CLRN1: variants seen among roughly 807,000 people sequenced by gnomAD.
CLRN1 encodes clarin 1, also known as clarin-1.
A neutral mutation model predicts 18.7 loss-of-function variants in CLRN1; 15 were observed. The ratio of observed to expected loss-of-function variants is 0.80; its 90% confidence interval spans 0.54 to 1.23. The LOEUF is 1.23. Ranked by LOEUF, CLRN1 falls within the 50% of genes most tolerant of loss-of-function variation. The pLI is 0.00. For synonymous variants in CLRN1, 104 were observed against 102.9 expected (o/e 1.01, Z -0.07); for missense variants, 311 against 277.5 (o/e 1.12, Z -0.86).
At chr3:150,947,549 T>C (rs1459185265) in intron 1 of CLRN1, among the ~76,000 whole-genome samples, 2 of 152,150 alleles carry the variant, frequency 1.3e-5, no homozygotes, top group Non-Finnish European at 2.9e-5. Context: ...TTGGACCAAA[T>C]GGATCTAATA....
At chr3:150,930,607 A>G (rs993422333) in intron 2 of CLRN1, among the ~76,000 whole-genome samples, 5 of 152,104 alleles carry the variant, frequency 3.3e-5, no homozygotes, top group Non-Finnish European at 7.4e-5. Flanking sequence ...TTATTTCTTT[A>G]TTGTTAGATC....
chr3:150,972,671 G>C lies in CLRN1; in HGVS notation c.38C>G (p.Ala13Gly), dbSNP rs758827546. 3 of 1,614,140 alleles carry C rather than the reference G, an allele frequency of 1.9e-6. No homozygotes were observed. Among genetic ancestry groups the C allele is most frequent in the Non-Finnish European group, 2.5e-6 (3 of 1,180,022 alleles). Reference protein sequence around the residue: ...SQQKKIIFCMAGVFSFACALG... With the variant: ...SQQKKIIFCMGGVFSFACALG... ...GGCACATGCAAAACTGAACACTCCG[G>C]CCATGCAAAAAATGATTTTCTTCTG... The change falls in exon 1 of 3, where the codon GCC becomes GGC. Residue 13 changes from alanine (A) to glycine (G), a missense_variant. Physicochemically the swap from Ala to Gly is moderately conservative, Grantham distance 60. Transcript: ENST00000327047.
intron 1 of CLRN1, among the ~76,000 whole-genome samples, chr3:150,947,331 A>G (rs1036100793): frequency 2.6e-5 from 4 of 152,220 alleles, no homozygotes; most frequent in Admixed American, 2.6e-4. Flanking sequence ...ATAATGGTAA[A>G]GGGTTCAATT....
intron 1 of CLRN1, among the ~76,000 whole-genome samples, chr3:150,955,581 A>T (rs1046881558): frequency 4.0e-4 from 61 of 152,314 alleles, no homozygotes; most frequent in Middle Eastern, 3.4e-3. Flanking sequence ...ATGGAATTTC[A>T]AATCTCCTCA....
chr3:150,948,613 G>A (rs1314757277), intron 1 of CLRN1, among the ~76,000 whole-genome samples: 1 of 150,976 alleles, frequency 6.6e-6, no homozygotes, highest in Non-Finnish European at 1.5e-5. Context: ...ACCTAGAAGA[G>A]CTAAATAAAT....
chr3:150,954,241 C>T (rs1714631000), intron 1 of CLRN1, among the ~76,000 whole-genome samples: 1 of 152,184 alleles, frequency 6.6e-6, no homozygotes, highest in South Asian at 2.1e-4. Flanking sequence ...GTACCATTCA[C>T]CTTCCCACTA....
chr3:150,927,259 C>G lies in CLRN1; in HGVS notation c.*677G>C. On this transcript the variant is annotated 3_prime_UTR_variant, in exon 3 of 3. Coordinates refer to ENST00000327047, the MANE Select transcript of CLRN1 (RefSeq NM_174878.3). ...AACAGACATGGTTAATAAGACTATG[C>G]TTTTTTAAAGCCTATATTTTATATT... 2.2e-6 allele frequency: 1 copy of G among 457,288 alleles called. No homozygotes were observed. Among genetic ancestry groups the G allele is most frequent in the Non-Finnish European group, 4.3e-6 (1 of 232,042 alleles). 28.3% of individuals were successfully genotyped at this position (457,288 alleles called of 1,614,324 possible). A position where few individuals can be genotyped will look rare whatever the true frequency, so the allele number is the denominator to read the frequency against.
At chr3:150,941,273 GT>G (rs772602612) in intron 2 of CLRN1, 84 of 236,120 alleles carry the variant, frequency 3.6e-4, no homozygotes, top group Non-Finnish European at 5.9e-4. Context: ...GGTTCACAAT[GT>G]TTATATAAGT....
In CLRN1 at chr3:150,927,461, G is replaced by A; in HGVS notation, c.*475C>T. 1 of 452,562 alleles carries A rather than the reference G, an allele frequency of 2.2e-6. No individual in the cohort carries two copies. Among genetic ancestry groups the A allele is most frequent in the Non-Finnish European group, 4.4e-6 (1 of 226,100 alleles). 28.0% of individuals were successfully genotyped at this position (452,562 alleles called of 1,614,324 possible). ...TTTAAACAAATTTTTTAAAATGTGT[G>A]TTGATACATTTTATAGATGTTCATT... On this transcript the variant is annotated 3_prime_UTR_variant, in exon 3 of 3. Coordinates refer to ENST00000327047, the MANE Select transcript of CLRN1 (RefSeq NM_174878.3).
chr3:150,931,501 C>T (rs913686332), intron 2 of CLRN1, among the ~76,000 whole-genome samples: 85 of 152,174 alleles, frequency 5.6e-4, no homozygotes, highest in African/African-American at 1.8e-3. Context: ...GAATTGACTT[C>T]GTAAATAGCC....
intron 1 of CLRN1, among the ~76,000 whole-genome samples, chr3:150,948,483 C>CAAAAAAAAA (rs55846714): frequency 3.7e-5 from 2 of 54,388 alleles, no homozygotes; most frequent in African/African-American, 1.9e-4. Flanking sequence ...GACTCCGTCT[C>CAAAAAAAAA]AAAAAAAAAA....
intron 1 of CLRN1, chr3:150,944,371 A>T (rs545740920): frequency 2.8e-5 from 5 of 180,408 alleles, no homozygotes; most frequent in African/African-American, 1.2e-4. Context: ...AGAGGAACAC[A>T]GTCTCCTTCA....
At position 150,926,739 on chromosome 3, in the gene CLRN1, C is replaced by G. The variant is rs573747778; in HGVS notation, c.*1197G>C. ...CCTATTATATGAGGGCTGCTGAGTA[C>G]TCAGCACCTGTGGTCAGAGGCCTAG... On this transcript the variant is annotated 3_prime_UTR_variant, in exon 3 of 3. Transcript: ENST00000327047. 11 of 1,570,824 alleles carry G rather than the reference C, an allele frequency of 7.0e-6. No homozygotes were observed. In the East Asian group the frequency reaches 2.2e-4, roughly 32 times the overall value.
intron 1 of CLRN1, among the ~76,000 whole-genome samples, chr3:150,956,608 A>G (rs1465824853): frequency 1.3e-5 from 2 of 152,146 alleles, no homozygotes; most frequent in East Asian, 3.9e-4. Flanking sequence ...AGAGCTGAGT[A>G]AGTCGTAAGT....
intron 1 of CLRN1, among the ~76,000 whole-genome samples, chr3:150,953,698 A>G (rs1446591022): frequency 6.6e-6 from 1 of 152,206 alleles, no homozygotes; most frequent in South Asian, 2.1e-4. Flanking sequence ...TTGTATTTTT[A>G]GTAGAGACAG....
rs748079589 is a variant in CLRN1 at position 150,968,359 on chromosome 3, GT to G, written c.253+4096del. Among the ~76,000 whole-genome samples, 5 of 152,270 alleles carry G rather than the reference GT, an allele frequency of 3.3e-5. 2 individuals carry two copies. The highest frequency in any genetic ancestry group is 6.5e-5 in the Admixed American group (1 of 15,300). ...ATATCAAGAAAAATTAAGCCCACTA[GT>G]TGTGTCTCTTTGAAGGGAAAACATT... On this transcript the variant is annotated intron_variant, in intron 1 of 2. Transcript: ENST00000327047.
chr3:150,928,317 C>T, intron 2 of CLRN1, 116 bp from the exon 3 acceptor site: 1 of 1,291,454 alleles, frequency 7.7e-7, no homozygotes, highest in Non-Finnish European at 1.1e-6. Context: ...TGACATTATC[C>T]ACACAAAAAA....
chr3:150,955,502 G>A (rs1396379270), intron 1 of CLRN1, among the ~76,000 whole-genome samples: 3 of 152,160 alleles, frequency 2.0e-5, no homozygotes, highest in African/African-American at 7.2e-5. Flanking sequence ...GGGGGTGATA[G>A]GACCCAGTGT....
At chr3:150,938,973 C>T (rs933607159) in intron 2 of CLRN1, among the ~76,000 whole-genome samples, 1 of 152,188 alleles carries the variant, frequency 6.6e-6, no homozygotes, top group Non-Finnish European at 1.5e-5. Flanking sequence ...GGTCGTCTGT[C>T]AGAACTGTCA....
Sources: gnomAD v4.1 joint callset for allele counts (sites outside exome capture counted in the v4.1 genomes callset) on GRCh38, gnomAD v4.1.1 for gene constraint, MANE v1.5 for transcripts, NCBI Gene and HGNC (gene_info 2026-07-23, HGNC 2026-07-21) for gene names.